PIK3AP1: variants seen among roughly 807,000 people sequenced by gnomAD.
The protein encoded by PIK3AP1 is phosphoinositide 3-kinase adapter protein 1.
Under a neutral mutation model 88.1 loss-of-function variants are expected in PIK3AP1, and 21 were observed. The ratio of observed to expected loss-of-function variants is 0.24; its 90% CI spans 0.17 to 0.34. The LOEUF (loss-of-function observed/expected upper bound fraction) is 0.34, where lower values mean the gene tolerates loss of function less well. PIK3AP1 is among the 10% of genes least tolerant of loss of function. The pLI is 1.00. For missense variants in PIK3AP1, 828 were observed against 1,035.7 expected (o/e 0.80, Z 2.75); for synonymous variants, 398 against 400.0 (o/e 1.00, Z 0.06).
intron 8 of PIK3AP1, among the ~76,000 whole-genome samples, chr10:96,640,317 C>T (rs1292538108): frequency 1.3e-5 from 2 of 151,950 alleles, no homozygotes; most frequent in Admixed American, 6.6e-5. Flanking sequence ...AGCTACAACC[C>T]ACAAAGCAGA....
chr10:96,612,045 A>G (rs779065484), intron 13 of PIK3AP1, among the ~76,000 whole-genome samples: 94 of 152,178 alleles, frequency 6.2e-4, no homozygotes, highest in Non-Finnish European at 1.2e-3. Context: ...TTTAAACTTC[A>G]TGACTTCTCC....
At chr10:96,597,917 T>C (rs1451312342) in intron 16 of PIK3AP1, among the ~76,000 whole-genome samples, 1 of 152,202 alleles carries the variant, frequency 6.6e-6, no homozygotes, top group African/African-American at 2.4e-5. Flanking sequence ...GGTGGGCCTA[T>C]GGGCATACCC....
intron 16 of PIK3AP1, 49 bp from the exon 17 acceptor site, chr10:96,595,683 CA>C: frequency 6.3e-7 from 1 of 1,583,298 alleles, no homozygotes; most frequent in Non-Finnish European, 8.7e-7. Context: ...TTTGATTAAA[CA>C]GTTCTTAGGA....
At chr10:96,710,369 C>T (rs1241439466) in intron 1 of PIK3AP1, among the ~76,000 whole-genome samples, 1 of 152,038 alleles carries the variant, frequency 6.6e-6, no homozygotes, top group Non-Finnish European at 1.5e-5. Context: ...TTACAGATGC[C>T]TGCCATCACG....
chr10:96,650,455 C>A (rs1445631278), intron 6 of PIK3AP1, among the ~76,000 whole-genome samples: 1 of 152,204 alleles, frequency 6.6e-6, no homozygotes, highest in Non-Finnish European at 1.5e-5. Flanking sequence ...CACATGTGCA[C>A]AAGAGGCTGC....
intron 2 of PIK3AP1, among the ~76,000 whole-genome samples, chr10:96,688,394 A>G (rs977857706): frequency 6.6e-6 from 1 of 152,240 alleles, no homozygotes; most frequent in Non-Finnish European, 1.5e-5. Context: ...GCTATGATAT[A>G]TTCCTCAGAA....
In PIK3AP1 at chr10:96,645,700, G is replaced by A. The variant is rs1245277804; in HGVS notation, c.1186-38C>T. 3.9e-6 allele frequency: 6 copies of A among 1,542,166 alleles called. No homozygotes were observed. The African/African-American group carries it at 8.4e-5, about 22-fold the overall frequency. The stretch of plus-strand genomic sequence containing the variant: ...ATGAGGCCCACGGCGCCCTGAGGCA[G>A]CCTGACTTTCCGGGTGGAACTTGGC... On this transcript the variant is annotated intron_variant, in intron 7 of 16. Coordinates refer to ENST00000339364, the MANE Select transcript of PIK3AP1 (RefSeq NM_152309.3).
At chr10:96,669,150 A>C (rs1258170296) in intron 2 of PIK3AP1, among the ~76,000 whole-genome samples, 3 of 152,048 alleles carry the variant, frequency 2.0e-5, no homozygotes, top group South Asian at 2.1e-4. Flanking sequence ...AATAAAATTT[A>C]ACCACCACAC....
At chr10:96,689,691 T>C (rs1379512555) in intron 2 of PIK3AP1, among the ~76,000 whole-genome samples, 1 of 152,160 alleles carries the variant, frequency 6.6e-6, no homozygotes, top group Admixed American at 6.5e-5. Context: ...CTTTCTTATT[T>C]TGCAGATTCT....
chr10:96,623,445 G>T (rs1843114379), intron 11 of PIK3AP1, 27 bp downstream of exon 11: 1 of 1,574,692 alleles, frequency 6.4e-7, no homozygotes. Context: ...CCACACAAAA[G>T]TTCAGTTCAT....
chr10:96,642,241 A>T (rs1843398820), intron 8 of PIK3AP1, among the ~76,000 whole-genome samples: 1 of 152,158 alleles, frequency 6.6e-6, no homozygotes, highest in African/African-American at 2.4e-5. Flanking sequence ...CCTGGGTAAC[A>T]TCACAAAATC....
intron 2 of PIK3AP1, among the ~76,000 whole-genome samples, chr10:96,700,229 G>A (rs761160538): frequency 6.6e-6 from 1 of 152,226 alleles, no homozygotes; most frequent in South Asian, 2.1e-4. Flanking sequence ...CTCTCTGGGT[G>A]GCCGCCGAAG....
At chr10:96,664,585 G>A (rs1166748925) in intron 2 of PIK3AP1, among the ~76,000 whole-genome samples, 1 of 151,932 alleles carries the variant, frequency 6.6e-6, no homozygotes, top group African/African-American at 2.4e-5. Context: ...CAATCTATTA[G>A]CTAATAATTT....
chr10:96,717,252 C>T (rs896098230), intron 1 of PIK3AP1, among the ~76,000 whole-genome samples: 26 of 121,170 alleles, frequency 2.1e-4, no homozygotes, highest in East Asian at 5.3e-4. Context: ...AGTGAGACTC[C>T]GTCTCAAAAA....
At chr10:96,610,639 G>A (rs939977994) in intron 13 of PIK3AP1, among the ~76,000 whole-genome samples, 1 of 152,194 alleles carries the variant, frequency 6.6e-6, no homozygotes, top group African/African-American at 2.4e-5. Context: ...TGACTTGCAA[G>A]GCCCCTGGGG....
chr10:96,646,241 C>G (rs868739140), intron 7 of PIK3AP1, among the ~76,000 whole-genome samples: 1 of 150,368 alleles, frequency 6.7e-6, no homozygotes, highest in African/African-American at 2.4e-5. Flanking sequence ...GCCTGGGCAA[C>G]AGAGCAAGAC....
At position 96,720,139 on chromosome 10, in the gene PIK3AP1, G is replaced by T. The variant is rs180918274; in HGVS notation, c.13+243C>A. On this transcript the variant is annotated intron_variant, in intron 1 of 16. Coordinates refer to ENST00000339364, the MANE Select transcript of PIK3AP1 (RefSeq NM_152309.3). This position sits in a 1 kb window ranked among gnomAD's most constrained non-coding sequence, Gnocchi z 4.6. ...AGGTGGAGGGAGCGAAGGAGACCCT[G>T]AAGAAGTGGGAGGGGGTCGGGCCAG... Among the ~76,000 whole-genome samples the T allele has an allele frequency of 2.2e-4, 34 of 152,306 alleles. No individual in the cohort carries two copies. The highest frequency in any genetic ancestry group is 7.8e-4 in the Admixed American group (12 of 15,298).
intron 2 of PIK3AP1, 130 bp from the exon 3 acceptor site, chr10:96,657,064 G>T (rs1369511286): frequency 3.2e-6 from 3 of 946,304 alleles, no homozygotes; most frequent in African/African-American, 3.3e-5. Context: ...ACAAGCAGAA[G>T]GGACTGACTC....
At chr10:96,689,181 T>A (rs1844117372) in intron 2 of PIK3AP1, among the ~76,000 whole-genome samples, 1 of 152,126 alleles carries the variant, frequency 6.6e-6, no homozygotes, top group African/African-American at 2.4e-5. Context: ...TGCAAACGCA[T>A]CCTGTGCTTT....
Sources: allele counts gnomAD v4.1 joint callset (sites outside exome capture counted in the v4.1 genomes callset), GRCh38; gene constraint gnomAD v4.1.1; non-coding constraint Gnocchi (gnomAD v3.1); transcripts MANE v1.5; gene names NCBI Gene and HGNC (gene_info 2026-07-23, HGNC 2026-07-21).